Variants in SGCD observed in about 807,000 individuals in gnomAD.
The protein encoded by SGCD is sarcoglycan delta, also known as delta-sarcoglycan.
A neutral mutation model predicts 36.6 loss-of-function variants in SGCD; 18 were observed. The observed-to-expected ratio is 0.49, with a 90% CI of 0.34 to 0.73. The LOEUF (loss-of-function observed/expected upper bound fraction) is 0.73, where lower values mean the gene tolerates loss of function less well. Ranked by LOEUF, SGCD falls within the 30% of genes least tolerant of loss-of-function variation. SGCD has a pLI of 0.01. For missense variants in SGCD, 387 were observed against 346.7 expected, an observed-to-expected ratio of 1.12 and a Z score of -0.92; for synonymous variants, 133 against 130.6, an observed-to-expected ratio of 1.02 and a Z score of -0.12.
rs752276755 is a variant in SGCD at position 156,043,195 on chromosome 5, A to G, written c.-281-74683A>G. 1.4e-4 allele frequency among the ~76,000 whole-genome samples: 22 copies of G among 152,308 alleles called. 1 individual carries two copies. Among genetic ancestry groups the G allele is most frequent in the Non-Finnish European group, 2.6e-4 (18 of 68,020 alleles). On this transcript the variant is annotated intron_variant, in intron 1 of 9. Coordinates refer to the SGCD transcript ENST00000517913. ...GCAGATCAGAAGTTCTGGAAGAACA[A>G]GTATCAATACATGAAGCTTCCCATG... is the stretch of plus-strand genomic sequence containing the variant.
At chr5:156,373,614 C>T (rs756244094) in intron 3 of SGCD, among the ~76,000 whole-genome samples, 1 of 152,188 alleles carries the variant, frequency 6.6e-6, no homozygotes, top group Non-Finnish European at 1.5e-5. Flanking sequence ...AACTGCCTTA[C>T]ATTTCCAGAA....
intron 3 of SGCD, among the ~76,000 whole-genome samples, chr5:156,357,366 AAGCTTATGCT>A (rs1171784699): frequency 6.6e-6 from 1 of 152,218 alleles, no homozygotes. Flanking sequence ...TCTAACTTCA[AAGCTTATGCT>A]TTTAATTTTC....
At chr5:156,115,378 G>A (rs949786880) in intron 1 of SGCD, among the ~76,000 whole-genome samples, 1 of 151,796 alleles carries the variant, frequency 6.6e-6, no homozygotes, top group African/African-American at 2.4e-5. Flanking sequence ...AAGGGGATAG[G>A]GTAGTGAAAT....
intron 1 of SGCD, among the ~76,000 whole-genome samples, chr5:155,900,748 G>A (rs1045699035): frequency 1.3e-5 from 2 of 151,814 alleles, no homozygotes; most frequent in Non-Finnish European, 2.9e-5. Context: ...TGATTTTGAA[G>A]GAGTATATAA....
chr5:156,104,545 C>A (rs1262437735), intron 1 of SGCD, among the ~76,000 whole-genome samples: 4 of 151,070 alleles, frequency 2.6e-5, no homozygotes, highest in African/African-American at 7.4e-5. Flanking sequence ...GGGGTACATA[C>A]TAATCTGTGA....
intron 3 of SGCD, among the ~76,000 whole-genome samples, chr5:156,398,326 T>G (rs949392119): frequency 6.6e-6 from 1 of 152,206 alleles, no homozygotes; most frequent in African/African-American, 2.4e-5. Flanking sequence ...AGAGCCTCCC[T>G]CTAGGTTTGT....
intron 2 of SGCD, among the ~76,000 whole-genome samples, chr5:156,338,706 G>C (rs1207056426): frequency 6.6e-6 from 1 of 152,078 alleles, no homozygotes; most frequent in Non-Finnish European, 1.5e-5. Context: ...TTCACAGTGG[G>C]TAGGATTTGC....
intron 7 of SGCD, among the ~76,000 whole-genome samples, chr5:156,695,137 TTTGTG>T (rs1754259843): frequency 8.2e-6 from 1 of 122,104 alleles, no homozygotes; most frequent in African/African-American, 2.9e-5. Flanking sequence ...TGTGTGTGTG[TTTGTG>T]TGTGTGTGTG....
chr5:155,780,542 G>A, the SGCD span, among the ~76,000 whole-genome samples: 4 of 152,094 alleles, frequency 2.6e-5, no homozygotes, highest in South Asian at 4.1e-4. Context: ...CTTCACGACT[G>A]CTGAGAATTA....
rs566699152 is a variant in SGCD, at chr5:155,965,899, A to G, written c.-282+95475A>G. Among the ~76,000 whole-genome samples, 4 of 152,200 alleles carry G rather than the reference A, an allele frequency of 2.6e-5. No homozygotes were observed. In the South Asian group the frequency reaches 8.3e-4, roughly 32 times the overall value. On this transcript the variant is annotated intron_variant, in intron 1 of 9. Coordinates refer to the SGCD transcript ENST00000517913. The stretch of plus-strand genomic sequence containing the variant: ...CGTTCGTCCCCCTTTGTTCAGTCCA[A>G]CAGGGATTGGGGCTGCATCACTACA...
At chr5:155,962,464 G>T (rs1171549257) in intron 1 of SGCD, among the ~76,000 whole-genome samples, 1 of 152,070 alleles carries the variant, frequency 6.6e-6, no homozygotes, top group Non-Finnish European at 1.5e-5. Flanking sequence ...ATTGGATACT[G>T]TCCAGTGGTT....
chr5:156,170,068 C>T (rs111756827), intron 3 of SGCD, among the ~76,000 whole-genome samples: 2,580 of 152,108 alleles, frequency 0.017, 76 homozygotes, highest in African/African-American at 0.059. Context: ...AGGGGCTTTG[C>T]GGCCAGGCCC....
In SGCD at chr5:156,174,133, G is replaced by T. The variant is rs1329588715; in HGVS notation, c.-44+50114G>T. Among the ~76,000 whole-genome samples the T allele has an allele frequency of 2.0e-5, 3 of 152,140 alleles. No homozygotes were observed. The East Asian group carries it at 5.8e-4, about 29-fold the overall frequency. On this transcript the variant is annotated intron_variant, in intron 3 of 9. Transcript: ENST00000517913. The stretch of plus-strand genomic sequence containing the variant: ...GCTGCCGCATTCATGGTATAGCAGT[G>T]AACAGGCAGAAAATGAATCTGAGGG...
intron 3 of SGCD, among the ~76,000 whole-genome samples, chr5:156,384,319 C>G (rs939623396): frequency 2.0e-5 from 3 of 152,204 alleles, no homozygotes; most frequent in African/African-American, 7.2e-5. Flanking sequence ...TTCCAGGAAG[C>G]CTTCTTTCCT....
the SGCD span, among the ~76,000 whole-genome samples, chr5:155,856,512 G>A: frequency 9.9e-5 from 15 of 152,188 alleles, 1 homozygote; most frequent in South Asian, 2.9e-3. Context: ...TAAATATACA[G>A]ACACCGAAAG....
chr5:155,915,987 T>C (rs1263914681), intron 1 of SGCD, among the ~76,000 whole-genome samples: 1 of 152,174 alleles, frequency 6.6e-6, no homozygotes, highest in Non-Finnish European at 1.5e-5. Flanking sequence ...TCTTCATAGA[T>C]ATGTAGGAGA....
chr5:156,560,513 G>A (rs11951246), intron 4 of SGCD, among the ~76,000 whole-genome samples: 37,662 of 152,040 alleles, frequency 0.25, 5,491 homozygotes, highest in African/African-American at 0.41. Flanking sequence ...TGTAGGCTAT[G>A]TTTATGTGGC....
intron 3 of SGCD, among the ~76,000 whole-genome samples, chr5:156,132,904 A>G (rs1290473005): frequency 6.6e-6 from 1 of 152,236 alleles, no homozygotes; most frequent in East Asian, 1.9e-4. Context: ...GGATCAGCAG[A>G]AGGGAATCAT....
chr5:156,072,749 C>A (rs369517981), intron 1 of SGCD, among the ~76,000 whole-genome samples: 87 of 152,282 alleles, frequency 5.7e-4, no homozygotes, highest in Admixed American at 2.1e-3. Flanking sequence ...TCCATTCTCC[C>A]CATCACTTTC....
Sources: gnomAD v4.1 joint callset for allele counts (sites outside exome capture counted in the v4.1 genomes callset) on GRCh38, gnomAD v4.1.1 for gene constraint, MANE v1.5 for transcripts, NCBI Gene and HGNC (gene_info 2026-07-23, HGNC 2026-07-21) for gene names.